PRIM2: variants seen among roughly 807,000 people sequenced by gnomAD.
PRIM2 encodes the protein DNA primase large subunit.
PRIM2 carries 39 observed loss-of-function variants against 67.3 expected under a neutral mutation model. The ratio of observed to expected loss-of-function variants is 0.58; its 90% CI spans 0.45 to 0.76. PRIM2 has a LOEUF of 0.76. PRIM2 is among the 30% of genes least tolerant of loss of function. PRIM2 has a pLI of 0.00. For synonymous variants in PRIM2, 143 were observed against 198.7 expected (o/e 0.72, Z 2.36); for missense variants, 398 against 598.7 (o/e 0.66, Z 3.50).
At chr6:57,607,446 T>A (rs1338573693) in intron 12 of PRIM2, among the ~76,000 whole-genome samples, 3 of 152,100 alleles carry the variant, frequency 2.0e-5, no homozygotes, top group African/African-American at 7.2e-5. Flanking sequence ...GGAAAGACTA[T>A]AACCAGCTGA....
chr6:57,421,706 T>G (rs1479691419), intron 7 of PRIM2, among the ~76,000 whole-genome samples: 2 of 152,338 alleles, frequency 1.3e-5, no homozygotes, highest in Non-Finnish European at 2.9e-5. Flanking sequence ...TCCCACTTCC[T>G]CTTATGTTGC....
chr6:57,496,166 CACTTTGGTAATT>C (rs1334688646), intron 7 of PRIM2, among the ~76,000 whole-genome samples: 1 of 152,134 alleles, frequency 6.6e-6, no homozygotes, highest in Non-Finnish European at 1.5e-5. Flanking sequence ...TGTGTCTCTT[CACTTTGGTAATT>C]AATATAATTG....
intron 5 of PRIM2, among the ~76,000 whole-genome samples, chr6:57,370,595 C>G (rs1489017972): frequency 6.6e-6 from 1 of 150,986 alleles, no homozygotes. Context: ...CAGGAAGTGA[C>G]ATGAAATTTA....
At chr6:57,535,881 A>G (rs1208745097) in intron 9 of PRIM2, among the ~76,000 whole-genome samples, 1 of 152,120 alleles carries the variant, frequency 6.6e-6, no homozygotes, top group Admixed American at 6.6e-5. Context: ...ATAAAAAAAG[A>G]AGAAAAAAAA....
At chr6:57,520,900 G>A (rs1158491670) in intron 8 of PRIM2, among the ~76,000 whole-genome samples, 2 of 152,090 alleles carry the variant, frequency 1.3e-5, no homozygotes, top group Non-Finnish European at 2.9e-5. Context: ...AACCCGTATG[G>A]TCCTGATTTT....
At chr6:57,242,680 A>G in the PRIM2 span, among the ~76,000 whole-genome samples, 11 of 152,184 alleles carry the variant, frequency 7.2e-5, no homozygotes, top group Non-Finnish European at 1.5e-4. Flanking sequence ...TCAGAGGAAG[A>G]TTAGTAACAT....
At chr6:57,355,648 C>CT (rs1251520541) in intron 5 of PRIM2, among the ~76,000 whole-genome samples, 30 of 152,012 alleles carry the variant, frequency 2.0e-4, no homozygotes, top group Admixed American at 2.0e-3. Flanking sequence ...AACTGCATTA[C>CT]TTTTTTCTTT....
At chr6:57,616,699 A>G (rs1776763663) in intron 12 of PRIM2, among the ~76,000 whole-genome samples, 1 of 152,058 alleles carries the variant, frequency 6.6e-6, no homozygotes, top group African/African-American at 2.4e-5. Context: ...AAAATGTACA[A>G]TTCAGTGCAT....
the PRIM2 span, among the ~76,000 whole-genome samples, chr6:57,275,845 C>G: frequency 2.6e-5 from 4 of 152,094 alleles, no homozygotes; most frequent in African/African-American, 9.7e-5. Context: ...TCCCACCAAA[C>G]GGGTAACAGA....
intron 5 of PRIM2, among the ~76,000 whole-genome samples, chr6:57,346,702 T>A (rs1768689643): frequency 6.6e-6 from 1 of 152,196 alleles, no homozygotes; most frequent in Non-Finnish European, 1.5e-5. Context: ...TCTTTTTGGC[T>A]GAAGTCTTGT....
chr6:57,414,824 G>A (rs1460381457), intron 7 of PRIM2, among the ~76,000 whole-genome samples: 3 of 151,688 alleles, frequency 2.0e-5, no homozygotes, highest in African/African-American at 7.3e-5. Flanking sequence ...TTTTATTTCT[G>A]TTTCTTTTAC....
Position 57,532,545 on chromosome 6 carries a change from A to C in PRIM2, c.834+62A>C, listed in dbSNP as rs1201086748. On this transcript the variant is annotated intron_variant, in intron 9 of 13. Coordinates refer to ENST00000615550, the MANE Select transcript of PRIM2 (RefSeq NM_000947.5). ...AATGGAGGGAACATAGATTTTCTTAAATCAAAGACTTTTGGGTGAGGAGAT... is the reference window on the plus strand; with the variant it reads ...AATGGAGGGAACATAGATTTTCTTACATCAAAGACTTTTGGGTGAGGAGAT... 1.4e-5 allele frequency: 11 copies of C among 792,542 alleles called. No individual in the cohort carries two copies. In the East Asian group the frequency reaches 3.2e-4, roughly 23 times the overall value. The allele number at this position is 792,542 out of a possible 1,614,324, so 49.1% of individuals were successfully genotyped here.
the PRIM2 span, among the ~76,000 whole-genome samples, chr6:57,267,969 G>A: frequency 6.6e-6 from 1 of 152,002 alleles, no homozygotes; most frequent in Non-Finnish European, 1.5e-5. Flanking sequence ...TGAGCTATGG[G>A]CATTGAGCAT....
At chr6:57,419,752 A>G (rs1771402263) in intron 7 of PRIM2, among the ~76,000 whole-genome samples, 1 of 152,234 alleles carries the variant, frequency 6.6e-6, no homozygotes, top group Non-Finnish European at 1.5e-5. Flanking sequence ...GTTTTTGAAT[A>G]AAGTCTTACA....
chr6:57,287,605 G>C, the PRIM2 span, among the ~76,000 whole-genome samples: 1,830 of 152,156 alleles, frequency 0.012, 22 homozygotes, highest in Middle Eastern at 0.027. Flanking sequence ...ACTGGAGCCT[G>C]TCAGGGGGTG....
chr6:57,615,020 C>G (rs1316147010), intron 12 of PRIM2, among the ~76,000 whole-genome samples: 3 of 152,200 alleles, frequency 2.0e-5, no homozygotes, highest in African/African-American at 7.2e-5. Flanking sequence ...TCTGAAGTTT[C>G]TAATTATTCT....
chr6:57,309,270 C>A, the PRIM2 span, among the ~76,000 whole-genome samples: 5 of 147,092 alleles, frequency 3.4e-5, no homozygotes. Context: ...AGGTATATCT[C>A]CCAATGCTAT....
chr6:57,353,353 A>AT (rs1768917857), intron 5 of PRIM2, among the ~76,000 whole-genome samples: 1 of 152,162 alleles, frequency 6.6e-6, no homozygotes, highest in Non-Finnish European at 1.5e-5. Context: ...TTGTTCAGGG[A>AT]TGTAATAGGA....
intron 10 of PRIM2, among the ~76,000 whole-genome samples, chr6:57,596,108 C>G (rs2127490012): frequency 6.6e-6 from 1 of 152,204 alleles, no homozygotes; most frequent in East Asian, 1.9e-4. Flanking sequence ...GAAGATGCAC[C>G]TAGCATCCCT....
Sources: gnomAD v4.1 joint callset for allele counts (sites outside exome capture counted in the v4.1 genomes callset) on GRCh38, gnomAD v4.1.1 for gene constraint, MANE v1.5 for transcripts, NCBI Gene and HGNC (gene_info 2026-07-23, HGNC 2026-07-21) for gene names.